The following NTNG1 variants were observed in gnomAD, a reference collection of about 807,000 sequenced individuals.
NTNG1 encodes the protein netrin G1.
A neutral mutation model predicts 54.0 loss-of-function variants in NTNG1; 16 were observed. The ratio of observed to expected loss-of-function variants is 0.30; its 90% CI spans 0.20 to 0.45. The LOEUF (loss-of-function observed/expected upper bound fraction) is 0.45, where lower values mean the gene tolerates loss of function less well. Among genes scored for constraint, NTNG1 ranks in the 20% least tolerant of loss-of-function variants. NTNG1 has a pLI of 1.00. For missense variants in NTNG1, 530 were observed against 678.7 expected (o/e 0.78, Z 2.43); for synonymous variants, 255 against 263.1 (o/e 0.97, Z 0.30).
At chr1:107,246,019 G>C (rs1354232462) in intron 2 of NTNG1, among the ~76,000 whole-genome samples, 1 of 152,014 alleles carries the variant, frequency 6.6e-6, no homozygotes, top group African/African-American at 2.4e-5. Flanking sequence ...AAAAACATTT[G>C]TTGCTATAGG....
rs368487507 is a variant in NTNG1 at position 107,148,849 on chromosome 1, C to T, written c.246+10C>T. ...GACGTTCTGTGCAATGGTGAGGTAA[C>T]CCTTTTGCATAAAATATTTCATATA... On this transcript the variant is annotated intron_variant, in intron 2 of 7. Transcript: ENST00000370068. 8.7e-6 allele frequency: 14 copies of T among 1,610,968 alleles called. No individual in the cohort carries two copies. Among genetic ancestry groups the T allele is most frequent in the Middle Eastern group, 1.6e-4 (1 of 6,074 alleles).
At chr1:107,228,064 T>C (rs1660806248) in intron 2 of NTNG1, among the ~76,000 whole-genome samples, 1 of 152,206 alleles carries the variant, frequency 6.6e-6, no homozygotes, top group Non-Finnish European at 1.5e-5. Flanking sequence ...TCAAGTACTA[T>C]GTAAGTATCA....
At chr1:107,395,008 G>T (rs1672590680) in intron 3 of NTNG1, 146 bp from the exon 4 acceptor site, 2 of 683,840 alleles carry the variant, frequency 2.9e-6, no homozygotes, top group Admixed American at 4.9e-5. Context: ...AGATTCTGAG[G>T]GCTGGGCCTG....
At chr1:107,279,426 C>T (rs1276237265) in intron 2 of NTNG1, among the ~76,000 whole-genome samples, 12 of 152,122 alleles carry the variant, frequency 7.9e-5, no homozygotes, top group Admixed American at 7.2e-4. Flanking sequence ...TAACAACTAG[C>T]GTGACATCAT....
intron 5 of NTNG1, among the ~76,000 whole-genome samples, chr1:107,423,829 GGATATAGCCA>G (rs1239687763): frequency 6.6e-6 from 1 of 151,994 alleles, no homozygotes; most frequent in Non-Finnish European, 1.5e-5. Flanking sequence ...TTAATATATA[GGATATAGCCA>G]GATTCTCTTC....
intron 2 of NTNG1, among the ~76,000 whole-genome samples, chr1:107,174,679 C>T (rs1557781179): frequency 6.6e-6 from 1 of 151,932 alleles, no homozygotes; most frequent in Admixed American, 6.6e-5. Context: ...ACATTAGAAC[C>T]TCCTAGGGTG....
intron 5 of NTNG1, among the ~76,000 whole-genome samples, chr1:107,418,120 T>C (rs2101217858): frequency 6.6e-6 from 1 of 152,144 alleles, no homozygotes; most frequent in South Asian, 2.1e-4. Flanking sequence ...TCAGAGATAA[T>C]GGCTCACACT....
chr1:107,461,839 A>G (rs977396422), intron 7 of NTNG1, among the ~76,000 whole-genome samples: 1 of 152,128 alleles, frequency 6.6e-6, no homozygotes, highest in African/African-American at 2.4e-5. Flanking sequence ...GCCTAGAGAC[A>G]TGGATTCTAT....
chr1:107,460,877 A>G (rs1011719599), intron 7 of NTNG1, among the ~76,000 whole-genome samples: 1 of 152,168 alleles, frequency 6.6e-6, no homozygotes, highest in African/African-American at 2.4e-5. Context: ...CTGGGCTGCT[A>G]ATGGTGTTCA....
intron 2 of NTNG1, among the ~76,000 whole-genome samples, chr1:107,259,081 A>T (rs1234999948): frequency 6.6e-6 from 1 of 152,224 alleles, no homozygotes; most frequent in African/African-American, 2.4e-5. Context: ...GTAAATTATT[A>T]GAAAATGCTG....
chr1:107,218,912 G>C (rs1311604082), intron 2 of NTNG1, among the ~76,000 whole-genome samples: 2 of 152,090 alleles, frequency 1.3e-5, no homozygotes, highest in African/African-American at 4.8e-5. Flanking sequence ...GAATTTCCCA[G>C]GTGTTCTTTG....
intron 2 of NTNG1, among the ~76,000 whole-genome samples, chr1:107,218,439 C>T (rs191283505): frequency 2.6e-3 from 389 of 152,150 alleles, no homozygotes; most frequent in African/African-American, 9.1e-3. Flanking sequence ...AGCATTTAGG[C>T]CATTTACATT....
chr1:107,419,201 C>T, intron 5 of NTNG1, among the ~76,000 whole-genome samples: 1 of 151,016 alleles, frequency 6.6e-6, no homozygotes, highest in Non-Finnish European at 1.5e-5. Context: ...TTTCTCACTC[C>T]CTGTCTCCTC....
intron 2 of NTNG1, among the ~76,000 whole-genome samples, chr1:107,198,666 A>AG (rs1300725669): frequency 6.6e-6 from 1 of 151,874 alleles, no homozygotes; most frequent in Non-Finnish European, 1.5e-5. Flanking sequence ...GATTCTAGCA[A>AG]GTTTCTGCCT....
rs546269186 is a variant in NTNG1 at position 107,276,886 on chromosome 1, T to C, written c.247-47396T>C. 2.4e-3 allele frequency among the ~76,000 whole-genome samples: 361 copies of C among 152,168 alleles called. 3 individuals carry two copies. Among genetic ancestry groups the C allele is most frequent in the Non-Finnish European group, 3.9e-3 (262 of 68,016 alleles). On this transcript the variant is annotated intron_variant, in intron 2 of 7. Coordinates refer to ENST00000370068, the MANE Select transcript of NTNG1 (RefSeq NM_001113226.3). ...AACAGTCATTCTTAAAATTTTATCT[T>C]TGATGGTGAATAGAGGTCCTCCAAG...
chr1:107,365,182 C>T (rs1255972683), intron 3 of NTNG1, among the ~76,000 whole-genome samples: 3 of 151,980 alleles, frequency 2.0e-5, no homozygotes, highest in Non-Finnish European at 2.9e-5. Flanking sequence ...AGTTGAGATC[C>T]AATATATGGT....
chr1:107,309,559 T>A (rs1376005818), intron 2 of NTNG1, among the ~76,000 whole-genome samples: 1 of 152,190 alleles, frequency 6.6e-6, no homozygotes, highest in African/African-American at 2.4e-5. Flanking sequence ...GATACAAAAA[T>A]GAATAAGATG....
chr1:107,435,613 A>G (rs1486151498), intron 6 of NTNG1, among the ~76,000 whole-genome samples: 1 of 152,138 alleles, frequency 6.6e-6, no homozygotes, highest in Non-Finnish European at 1.5e-5. Flanking sequence ...TAGCAAATCT[A>G]ATATGCCAAA....
chr1:107,195,924 C>T (rs1034974871), intron 2 of NTNG1, among the ~76,000 whole-genome samples: 1 of 151,928 alleles, frequency 6.6e-6, no homozygotes, highest in African/African-American at 2.4e-5. Context: ...GCTTTATTTT[C>T]TCCTTAGCAT....
Sources: allele counts gnomAD v4.1 joint callset (sites outside exome capture counted in the v4.1 genomes callset), GRCh38; gene constraint gnomAD v4.1.1; transcripts MANE v1.5; gene names NCBI Gene and HGNC (gene_info 2026-07-23, HGNC 2026-07-21).